BLTP3B: variants seen among roughly 807,000 people sequenced by gnomAD.
BLTP3B encodes bridge-like lipid transfer protein family member 3B, also known as UHRF1 (ICBP90) binding protein 1-like.
the BLTP3B span, among the ~76,000 whole-genome samples, chr12:100,139,996 G>C: frequency 6.6e-6 from 1 of 152,270 alleles, no homozygotes; most frequent in South Asian, 2.1e-4. Context: ...AAACTAGTAT[G>C]TTCAACTATT....
At chr12:100,066,233 G>A in the BLTP3B span, among the ~76,000 whole-genome samples, 1 of 152,094 alleles carries the variant, frequency 6.6e-6, no homozygotes, top group Non-Finnish European at 1.5e-5. Context: ...AGCTATTCTT[G>A]TATCAGACAA....
the BLTP3B span, among the ~76,000 whole-genome samples, chr12:100,138,711 G>T: frequency 1.3e-5 from 2 of 152,246 alleles, no homozygotes; most frequent in African/African-American, 4.8e-5. Flanking sequence ...GCAGAGCACA[G>T]TATGCCCTTA....
chr12:100,050,340 ATAT>A, the BLTP3B span: 1 of 1,582,422 alleles, frequency 6.3e-7, no homozygotes, highest in Admixed American at 1.9e-5. Flanking sequence ...TGCATAAATA[ATAT>A]TAGTATGCCA....
At chr12:100,082,979 T>G in the BLTP3B span, 1 of 1,465,392 alleles carries the variant, frequency 6.8e-7, no homozygotes, top group Non-Finnish European at 9.5e-7. Flanking sequence ...GATACTAAAG[T>G]GTTTATGAGA....
At chr12:100,116,836 A>G in the BLTP3B span, among the ~76,000 whole-genome samples, 2 of 152,208 alleles carry the variant, frequency 1.3e-5, no homozygotes, top group Non-Finnish European at 2.9e-5. Context: ...CTGTGTAGAA[A>G]ATCATACAGA....
the BLTP3B span, among the ~76,000 whole-genome samples, chr12:100,073,271 A>C: frequency 6.6e-6 from 1 of 152,146 alleles, no homozygotes; most frequent in Non-Finnish European, 1.5e-5. Flanking sequence ...TTGAGATAAT[A>C]AAAATTCTGG....
chr12:100,115,499 T>G, the BLTP3B span, among the ~76,000 whole-genome samples: 1 of 152,224 alleles, frequency 6.6e-6, no homozygotes, highest in Non-Finnish European at 1.5e-5. Flanking sequence ...CCGGGCGTCG[T>G]GGCTCACACT....
chr12:100,098,406 G>T, the BLTP3B span: 1 of 1,613,490 alleles, frequency 6.2e-7, no homozygotes, highest in Non-Finnish European at 8.5e-7. Flanking sequence ...CATGTTCCCA[G>T]TGTGCATTTA....
the BLTP3B span, among the ~76,000 whole-genome samples, chr12:100,062,773 G>T: frequency 6.6e-6 from 1 of 152,036 alleles, no homozygotes; most frequent in Non-Finnish European, 1.5e-5. Flanking sequence ...ACTAGCCCAG[G>T]CAACAGAGTG....
the BLTP3B span, chr12:100,097,333 C>A: frequency 6.3e-7 from 1 of 1,592,514 alleles, no homozygotes; most frequent in Non-Finnish European, 8.6e-7. Flanking sequence ...ACAGTTAACA[C>A]ATGAATCAAA....
the BLTP3B span, among the ~76,000 whole-genome samples, chr12:100,087,994 C>G: frequency 6.6e-6 from 1 of 152,134 alleles, no homozygotes; most frequent in Non-Finnish European, 1.5e-5. Context: ...CCACAAACCC[C>G]GAATCTTCCT....
the BLTP3B span, among the ~76,000 whole-genome samples, chr12:100,053,689 G>A: frequency 4.6e-3 from 696 of 152,130 alleles, 3 homozygotes; most frequent in African/African-American, 0.016. Context: ...AAAAGTTGAC[G>A]GTAGTTACTT....
the BLTP3B span, among the ~76,000 whole-genome samples, chr12:100,106,192 A>T: frequency 1.3e-5 from 2 of 152,172 alleles, no homozygotes; most frequent in Non-Finnish European, 2.9e-5. Flanking sequence ...CGATCCAGCA[A>T]TCCCACTACC....
the BLTP3B span, among the ~76,000 whole-genome samples, chr12:100,080,908 G>A: frequency 6.6e-6 from 1 of 152,194 alleles, no homozygotes; most frequent in Non-Finnish European, 1.5e-5. Flanking sequence ...GTTGTAGGAG[G>A]AAGCTGGTGG....
At chr12:100,057,121 C>CA in the BLTP3B span, among the ~76,000 whole-genome samples, 2 of 152,204 alleles carry the variant, frequency 1.3e-5, no homozygotes, top group Non-Finnish European at 2.9e-5. Flanking sequence ...ATTCACCATG[C>CA]AAATTAAGCC....
the BLTP3B span, among the ~76,000 whole-genome samples, chr12:100,124,974 A>ATATATTTATATT: frequency 9.0e-5 from 9 of 100,398 alleles, no homozygotes; most frequent in Non-Finnish European, 1.3e-4. Context: ...ATATATATAT[A>ATATATTTATATT]TATATTTATA....
the BLTP3B span, among the ~76,000 whole-genome samples, chr12:100,041,799 AC>A: frequency 2.0e-5 from 3 of 152,102 alleles, no homozygotes; most frequent in Admixed American, 2.0e-4. Flanking sequence ...GGCAAGAAAA[AC>A]AATAGAAGAC....
the BLTP3B span, chr12:100,051,117 T>C: frequency 2.5e-6 from 4 of 1,614,108 alleles, no homozygotes; most frequent in South Asian, 4.4e-5. Flanking sequence ...TCTGAATTTG[T>C]ACTGATGGCA....
At chr12:100,124,414 G>GAA in the BLTP3B span, among the ~76,000 whole-genome samples, 1 of 150,586 alleles carries the variant, frequency 6.6e-6, no homozygotes, top group African/African-American at 2.4e-5. Context: ...GACCAGCCTG[G>GAA]GCAACACAGA....
Sources: gnomAD v4.1 joint callset for allele counts (sites outside exome capture counted in the v4.1 genomes callset) on GRCh38, gnomAD v4.1.1 for gene constraint, MANE v1.5 for transcripts, NCBI Gene and HGNC (gene_info 2026-07-23, HGNC 2026-07-21) for gene names.